The following DGKB variants were observed in gnomAD, a reference collection of about 807,000 sequenced individuals.
DGKB encodes the protein diacylglycerol kinase beta.
In DGKB, 67 loss-of-function variants were observed where a neutral mutation model predicts 114.3. The ratio of observed to expected loss-of-function variants is 0.59; its 90% CI spans 0.48 to 0.72. The LOEUF (loss-of-function observed/expected upper bound fraction) is 0.72, where lower values mean the gene tolerates loss of function less well. Ranked by LOEUF, DGKB falls within the 30% of genes least tolerant of loss-of-function variation. DGKB has a pLI of 0.00. For missense variants in DGKB, 907 were observed against 975.2 expected (o/e 0.93, Z 0.93); for synonymous variants, 398 against 323.1 (o/e 1.23, Z -2.49).
At chr7:14,601,588 C>T (rs897913882) in intron 17 of DGKB, among the ~76,000 whole-genome samples, 1 of 152,154 alleles carries the variant, frequency 6.6e-6, no homozygotes, top group Non-Finnish European at 1.5e-5. Context: ...TAATTCATTT[C>T]TCTCTTATTA....
rs191501963 is a variant in DGKB at position 14,729,300 on chromosome 7, T to C, written c.322+6741A>G. ...ACCACATCCGGCTAATTTTTTGTAT[T>C]TTTAGTAGAGACCAGGTTTCACCGT... On this transcript the variant is annotated intron_variant, in intron 5 of 25. Transcript: ENST00000402815. Among the ~76,000 whole-genome samples, 9 of 150,754 alleles carry C rather than the reference T, an allele frequency of 6.0e-5. No individual in the cohort carries two copies. The East Asian group carries it at 7.8e-4, about 13-fold the overall frequency.
chr7:14,345,221 T>C (rs1812286865), intron 22 of DGKB, 80 bp downstream of exon 22: 2 of 747,222 alleles, frequency 2.7e-6, no homozygotes, highest in East Asian at 2.7e-5. Flanking sequence ...TTTCATTCCA[T>C]GGGCTCCAAT....
intron 23 of DGKB, among the ~76,000 whole-genome samples, chr7:14,283,929 A>T (rs1235193164): frequency 6.6e-6 from 1 of 152,142 alleles, no homozygotes; most frequent in Admixed American, 6.6e-5. Context: ...AAACCTAGGC[A>T]TTACCATTCA....
At chr7:14,894,283 GTCTT>G (rs773895766) in intron 1 of DGKB, among the ~76,000 whole-genome samples, 1 of 151,332 alleles carries the variant, frequency 6.6e-6, no homozygotes, top group Non-Finnish European at 1.5e-5. Context: ...TCCTCAAACA[GTCTT>G]TCTTTATCTC....
chr7:14,882,590 C>T (rs190933453), intron 1 of DGKB, among the ~76,000 whole-genome samples: 18 of 152,070 alleles, frequency 1.2e-4, no homozygotes, highest in Middle Eastern at 6.8e-3. Context: ...TCATCCTCTT[C>T]CCATCCCTTC....
At chr7:14,762,472 C>T (rs57787188) in intron 2 of DGKB, among the ~76,000 whole-genome samples, 320 of 151,976 alleles carry the variant, frequency 2.1e-3, no homozygotes, top group African/African-American at 6.4e-3. Flanking sequence ...TAACGATTTT[C>T]AAGAAAAATT....
intron 21 of DGKB, among the ~76,000 whole-genome samples, chr7:14,393,987 A>G (rs2128714065): frequency 6.6e-6 from 1 of 150,794 alleles, no homozygotes. Flanking sequence ...TTTAAAAAGA[A>G]AAAAAAAAAG....
At chr7:14,180,535 T>C (rs1418587630) in intron 23 of DGKB, among the ~76,000 whole-genome samples, 1 of 152,216 alleles carries the variant, frequency 6.6e-6, no homozygotes, top group African/African-American at 2.4e-5. Context: ...AATAATTTTA[T>C]AGGAATAGTG....
chr7:14,666,866 A>AT (rs1818122420), intron 13 of DGKB, among the ~76,000 whole-genome samples: 1 of 152,034 alleles, frequency 6.6e-6, no homozygotes, highest in Non-Finnish European at 1.5e-5. Context: ...AGTAATATAG[A>AT]TTTTTGATAG....
intron 21 of DGKB, among the ~76,000 whole-genome samples, chr7:14,464,091 A>G (rs932541303): frequency 3.3e-5 from 5 of 151,850 alleles, no homozygotes; most frequent in African/African-American, 1.2e-4. Context: ...TTTTTTTGTA[A>G]CTTTGTGTTC....
chr7:14,591,227 T>C (rs2128745459), intron 17 of DGKB, among the ~76,000 whole-genome samples: 1 of 152,122 alleles, frequency 6.6e-6, no homozygotes, highest in Non-Finnish European at 1.5e-5. Context: ...TCAGGAAGGA[T>C]TTCACTCTGG....
At chr7:14,620,110 T>A (rs1048606282) in intron 15 of DGKB, among the ~76,000 whole-genome samples, 1 of 151,558 alleles carries the variant, frequency 6.6e-6, no homozygotes, top group African/African-American at 2.4e-5. Context: ...AAATTGTGGA[T>A]AGATTTTATA....
At chr7:14,360,419 C>T (rs114808447) in intron 21 of DGKB, among the ~76,000 whole-genome samples, 3,655 of 150,786 alleles carry the variant, frequency 0.024, 128 homozygotes, top group African/African-American at 0.08. Context: ...CTATGTAATA[C>T]GTTGTGCACA....
chr7:14,289,744 C>CA (rs3067647), intron 23 of DGKB, among the ~76,000 whole-genome samples: 125 of 126,806 alleles, frequency 9.9e-4, no homozygotes, highest in Non-Finnish European at 1.4e-3. Context: ...AGACATGGAC[C>CA]AAAAAAAAAA....
chr7:14,664,544 CCT>C (rs1817691161), intron 13 of DGKB, among the ~76,000 whole-genome samples: 1 of 152,014 alleles, frequency 6.6e-6, no homozygotes, highest in Non-Finnish European at 1.5e-5. Flanking sequence ...CCAGCCTCAC[CCT>C]TACACATGCC....
At chr7:14,209,609 G>C (rs1787426557) in intron 23 of DGKB, 2 of 436,966 alleles carry the variant, frequency 4.6e-6, no homozygotes, top group East Asian at 1.5e-4. Flanking sequence ...CCCCTTAAGA[G>C]GTAAGCTTTA....
At chr7:14,207,489 T>C (rs987650867) in intron 23 of DGKB, among the ~76,000 whole-genome samples, 13 of 152,080 alleles carry the variant, frequency 8.5e-5, no homozygotes, top group Admixed American at 3.9e-4. Flanking sequence ...TGGTGAGGTG[T>C]TGGACTCATG....
intron 21 of DGKB, among the ~76,000 whole-genome samples, chr7:14,414,357 A>C (rs1046155813): frequency 1.3e-5 from 2 of 151,886 alleles, no homozygotes; most frequent in Non-Finnish European, 2.9e-5. Context: ...AGTTGAAAAG[A>C]CTCCTGTGAT....
upstream of DGKB, chr7:14,903,466 C>G (rs1459984229): frequency 6.6e-6 from 1 of 152,198 alleles, no homozygotes; most frequent in Non-Finnish European, 1.5e-5. Context: ...GAGCTGGATT[C>G]ACTGCAATTA....
Sources: allele counts gnomAD v4.1 joint callset (sites outside exome capture counted in the v4.1 genomes callset), GRCh38; gene constraint gnomAD v4.1.1; transcripts MANE v1.5; gene names NCBI Gene and HGNC (gene_info 2026-07-23, HGNC 2026-07-21).